FRMPD4: variants seen among roughly 807,000 people sequenced by gnomAD.
FRMPD4 encodes the protein FERM and PDZ domain containing 4.
Under a neutral mutation model 94.1 loss-of-function variants are expected in FRMPD4, and 22 were observed. The observed-to-expected ratio is 0.23, with a 90% CI of 0.17 to 0.33. FRMPD4 has a LOEUF of 0.33. Among genes scored for constraint, FRMPD4 ranks in the 10% least tolerant of loss-of-function variants. The pLI is 1.00. For missense variants in FRMPD4, 1,111 were observed against 1,339.9 expected, an observed-to-expected ratio of 0.83 and a Z score of 2.67; for synonymous variants, 631 against 548.6, an observed-to-expected ratio of 1.15 and a Z score of -2.10.
chrX:12,070,561 T>G lies in FRMPD4; in HGVS notation c.95+192543T>G, dbSNP rs185491002. On this transcript the variant is annotated intron_variant, in intron 3 of 18. Transcript: ENST00000640291. ...TGTTCAAATCTCTAGCCTAATGTCATTCTGTCGCCTCTAAACAGATAAATA... is the reference window on the plus strand; with the variant it reads ...TGTTCAAATCTCTAGCCTAATGTCAGTCTGTCGCCTCTAAACAGATAAATA... Among the ~76,000 whole-genome samples, 44 of 111,719 alleles carry G rather than the reference T, an allele frequency of 3.9e-4. 1 individual carries two copies. The highest frequency in any genetic ancestry group is 6.6e-4 in the Non-Finnish European group (35 of 53,137).
chrX:11,997,036 G>A (rs2054500024), intron 3 of FRMPD4, among the ~76,000 whole-genome samples: 1 of 111,118 alleles, frequency 9.0e-6, no homozygotes, highest in Admixed American at 9.6e-5. Flanking sequence ...TTCAGTATGA[G>A]GGAGGTTCTT....
chrX:12,108,801 C>T (rs985665846), intron 3 of FRMPD4, among the ~76,000 whole-genome samples: 3 of 111,602 alleles, frequency 2.7e-5, no homozygotes, highest in African/African-American at 9.8e-5. Flanking sequence ...AGACTTTAAA[C>T]CAACAAAATC....
chrX:12,072,567 G>C (rs1454496204), intron 3 of FRMPD4, among the ~76,000 whole-genome samples: 1 of 111,843 alleles, frequency 8.9e-6, no homozygotes, highest in Non-Finnish European at 1.9e-5. Context: ...CAAACCTCCT[G>C]TCTGATTTCT....
intron 1 of FRMPD4, among the ~76,000 whole-genome samples, chrX:12,472,004 T>C (rs1268556536): frequency 8.9e-6 from 1 of 112,569 alleles, no homozygotes; most frequent in Non-Finnish European, 1.9e-5. Flanking sequence ...AGCCACAGAA[T>C]TGCACTGTCA....
At chrX:12,079,371 C>T (rs2055045074) in intron 3 of FRMPD4, among the ~76,000 whole-genome samples, 1 of 110,028 alleles carries the variant, frequency 9.1e-6, no homozygotes, top group South Asian at 3.9e-4. Context: ...GGACATTTAA[C>T]TAAAAAAGAA....
chrX:12,490,876 G>A (rs2057786526), intron 1 of FRMPD4, among the ~76,000 whole-genome samples: 1 of 111,240 alleles, frequency 9.0e-6, no homozygotes, highest in South Asian at 3.9e-4. Context: ...TCCCAAATCA[G>A]TACATAAAGA....
At chrX:12,076,327 CGT>C (rs34558552) in intron 3 of FRMPD4, among the ~76,000 whole-genome samples, 2,750 of 97,563 alleles carry the variant, frequency 0.028, 41 homozygotes, top group Non-Finnish European at 0.041. Flanking sequence ...CCTAGCAAAA[CGT>C]GTGTGTGTGT....
At chrX:12,551,796 AG>A (rs2058539918) in intron 2 of FRMPD4, among the ~76,000 whole-genome samples, 1 of 110,941 alleles carries the variant, frequency 9.0e-6, no homozygotes, top group Non-Finnish European at 1.9e-5. Flanking sequence ...TTGGAAGCAT[AG>A]GGGGTGTCTG....
chrX:12,005,212 C>T (rs2054545659), intron 3 of FRMPD4, among the ~76,000 whole-genome samples: 1 of 108,563 alleles, frequency 9.2e-6, no homozygotes, highest in African/African-American at 3.3e-5. Flanking sequence ...ATCTGGAGAG[C>T]TGGTAAAACA....
At chrX:11,846,747 C>G (rs1281180177) in intron 1 of FRMPD4, among the ~76,000 whole-genome samples, 1 of 108,987 alleles carries the variant, frequency 9.2e-6, no homozygotes, top group Non-Finnish European at 1.9e-5. Context: ...ACTATCTGAT[C>G]TTTGGCAAAC....
At chrX:12,263,003 T>C (rs924818547) in intron 1 of FRMPD4, among the ~76,000 whole-genome samples, 2 of 111,804 alleles carry the variant, frequency 1.8e-5, no homozygotes, top group African/African-American at 6.5e-5. Flanking sequence ...GGCTTCAGCT[T>C]TGAAGACCTA....
At chrX:12,416,189 CCTCCTCCTTT>C (rs2056798333) in intron 1 of FRMPD4, among the ~76,000 whole-genome samples, 1 of 110,776 alleles carries the variant, frequency 9.0e-6, no homozygotes, top group Admixed American at 9.6e-5. Context: ...TTCCGCCCTT[CCTCCTCCTTT>C]CTTCCCTTTC....
In FRMPD4 at chrX:11,844,185, C is replaced by T. The variant is rs1460170381; in HGVS notation, c.-160-20901C>T. On this transcript the variant is annotated intron_variant, in intron 1 of 18. Coordinates refer to the FRMPD4 transcript ENST00000640291. ...TTTTTTTTTGTATTTTTACTGGAGA[C>T]GAGTTTTCACTATGTTAGCTAAGCT... 5.9e-5 allele frequency among the ~76,000 whole-genome samples: 6 copies of T among 102,351 alleles called. No homozygotes were observed. In the East Asian group the frequency reaches 1.2e-3, roughly 21 times the overall value. The allele number at this position is 102,351 out of a possible 115,157, so 88.9% of individuals were successfully genotyped here.
intron 1 of FRMPD4, among the ~76,000 whole-genome samples, chrX:12,456,760 T>G (rs969949488): frequency 8.8e-6 from 1 of 113,022 alleles, no homozygotes; most frequent in Non-Finnish European, 1.9e-5. Flanking sequence ...CAGTAGATAA[T>G]AAAAAAATTA....
intron 3 of FRMPD4, among the ~76,000 whole-genome samples, chrX:12,008,164 G>A (rs1229609821): frequency 8.9e-6 from 1 of 112,314 alleles, no homozygotes; most frequent in Non-Finnish European, 1.9e-5. Flanking sequence ...TTTGTGCCAA[G>A]TACTGCTCCA....
chrX:12,319,621 C>T (rs1326810277), intron 1 of FRMPD4, among the ~76,000 whole-genome samples: 1 of 112,000 alleles, frequency 8.9e-6, no homozygotes, highest in Non-Finnish European at 1.9e-5. Flanking sequence ...GGCAGGCTGT[C>T]CCCAGACTTA....
At chrX:12,391,093 A>G (rs1436174164) in intron 1 of FRMPD4, among the ~76,000 whole-genome samples, 1 of 112,164 alleles carries the variant, frequency 8.9e-6, no homozygotes, top group Non-Finnish European at 1.9e-5. Context: ...AACTTCTTAC[A>G]GAACACTTAT....
chrX:12,350,493 C>T (rs773833771), intron 1 of FRMPD4, among the ~76,000 whole-genome samples: 4 of 111,995 alleles, frequency 3.6e-5, no homozygotes, highest in Non-Finnish European at 7.5e-5. Context: ...GTCATTGTGA[C>T]CTCATCTTTA....
At chrX:12,045,345 A>G (rs777077848) in intron 3 of FRMPD4, among the ~76,000 whole-genome samples, 10 of 111,904 alleles carry the variant, frequency 8.9e-5, no homozygotes, top group Non-Finnish European at 1.9e-4. Flanking sequence ...AATATGTTTG[A>G]TGTTTACTTC....
Sources: gnomAD v4.1 joint callset for allele counts (sites outside exome capture counted in the v4.1 genomes callset) on GRCh38, gnomAD v4.1.1 for gene constraint, MANE v1.5 for transcripts, NCBI Gene and HGNC (gene_info 2026-07-23, HGNC 2026-07-21) for gene names.